The following SH3GL2 variants were observed in gnomAD, a reference collection of about 807,000 sequenced individuals.
The protein encoded by SH3GL2 is SH3 domain containing GRB2 like 2, endophilin A1, also known as endophilin-A1.
A neutral mutation model predicts 46.0 loss-of-function variants in SH3GL2; 24 were observed. The observed-to-expected ratio is 0.52, with a 90% CI of 0.38 to 0.73. The LOEUF (loss-of-function observed/expected upper bound fraction) is 0.73, where lower values mean the gene tolerates loss of function less well. Among genes scored for constraint, SH3GL2 ranks in the 30% least tolerant of loss-of-function variants. The pLI is 0.00. For missense variants in SH3GL2, 413 were observed against 424.2 expected (o/e 0.97, Z 0.23); for synonymous variants, 196 against 147.1 (o/e 1.33, Z -2.40).
At chr9:17,607,028 G>C (rs1294394207) in intron 1 of SH3GL2, among the ~76,000 whole-genome samples, 1 of 152,168 alleles carries the variant, frequency 6.6e-6, no homozygotes, top group Admixed American at 6.5e-5. Context: ...CTTCTCATAA[G>C]GCCGGTTATC....
intron 1 of SH3GL2, among the ~76,000 whole-genome samples, chr9:17,679,148 G>GT (rs1051344722): frequency 9.3e-4 from 141 of 152,224 alleles, no homozygotes; most frequent in Admixed American, 2.4e-3. Flanking sequence ...CTTTAAAGTA[G>GT]TTTTTTCCAA....
At chr9:17,628,730 A>T (rs545950349) in intron 1 of SH3GL2, among the ~76,000 whole-genome samples, 2 of 152,118 alleles carry the variant, frequency 1.3e-5, no homozygotes, top group Non-Finnish European at 2.9e-5. Context: ...TTCTAGCTCA[A>T]GGGAGAATTG....
chr9:17,663,399 T>C (rs1449145058), intron 1 of SH3GL2, among the ~76,000 whole-genome samples: 2 of 152,242 alleles, frequency 1.3e-5, no homozygotes, highest in Non-Finnish European at 2.9e-5. Flanking sequence ...TTTTTAAAAT[T>C]ATTTTCCCTC....
chr9:17,768,723 C>T (rs544046708), intron 3 of SH3GL2, among the ~76,000 whole-genome samples: 1 of 152,306 alleles, frequency 6.6e-6, no homozygotes, highest in Non-Finnish European at 1.5e-5. Context: ...CGACAACTGT[C>T]TTCTCACCAT....
intron 3 of SH3GL2, among the ~76,000 whole-genome samples, chr9:17,770,994 C>T (rs976349194): frequency 2.6e-5 from 4 of 152,178 alleles, no homozygotes; most frequent in African/African-American, 9.6e-5. Context: ...TAGGCATGCC[C>T]AGACTTACTT....
chr9:17,677,403 A>C (rs1820639123), intron 1 of SH3GL2, among the ~76,000 whole-genome samples: 1 of 152,100 alleles, frequency 6.6e-6, no homozygotes, highest in Non-Finnish European at 1.5e-5. Context: ...GGATGCTTTG[A>C]AATATTATCA....
At chr9:17,671,334 C>T (rs1233589339) in intron 1 of SH3GL2, among the ~76,000 whole-genome samples, 1 of 151,570 alleles carries the variant, frequency 6.6e-6, no homozygotes, top group Non-Finnish European at 1.5e-5. Context: ...AATATATTTT[C>T]TAAAATTCTA....
intron 1 of SH3GL2, among the ~76,000 whole-genome samples, chr9:17,741,449 G>C (rs1484824957): frequency 1.3e-5 from 2 of 152,276 alleles, no homozygotes; most frequent in East Asian, 3.9e-4. Flanking sequence ...TAGTTAAAAT[G>C]AAGATAGAAT....
chr9:17,656,767 T>G (rs1820087007), intron 1 of SH3GL2, among the ~76,000 whole-genome samples: 1 of 73,040 alleles, frequency 1.4e-5, no homozygotes, highest in South Asian at 5.9e-4. Flanking sequence ...TGAGACTACA[T>G]CTCAAAAAAA....
intron 1 of SH3GL2, among the ~76,000 whole-genome samples, chr9:17,598,191 C>T (rs1347720281): frequency 2.0e-5 from 3 of 151,934 alleles, no homozygotes; most frequent in Non-Finnish European, 2.9e-5. Flanking sequence ...CACCAGCTGA[C>T]GTCATTCAAA....
chr9:17,759,594 A>G (rs1016459704), intron 2 of SH3GL2, among the ~76,000 whole-genome samples: 1 of 152,144 alleles, frequency 6.6e-6, no homozygotes, highest in South Asian at 2.1e-4. Context: ...GTTTGTGAGC[A>G]TTGAGTGTGT....
At chr9:17,594,073 A>C (rs1818529864) in intron 1 of SH3GL2, among the ~76,000 whole-genome samples, 1 of 152,148 alleles carries the variant, frequency 6.6e-6, no homozygotes, top group Non-Finnish European at 1.5e-5. Context: ...TGACTTTTCT[A>C]AAGAGCAAAT....
Position 17,754,585 on chromosome 9 carries a change from A to G in SH3GL2, c.115-6852A>G, listed in dbSNP as rs61477312. ...CTACTCGGGAGGCTGAGGCAGGAGAATGGCTTGAACCCAGGAGGTGGAGCT... is the reference window on the plus strand; with the variant it reads ...CTACTCGGGAGGCTGAGGCAGGAGAGTGGCTTGAACCCAGGAGGTGGAGCT... On this transcript the variant is annotated intron_variant, in intron 2 of 8. Coordinates refer to ENST00000380607, the MANE Select transcript of SH3GL2 (RefSeq NM_003026.5). Among the ~76,000 whole-genome samples the G allele has an allele frequency of 6.6e-3, 1,001 of 152,242 alleles. 11 individuals carry two copies. The highest frequency in any genetic ancestry group is 0.023 in the African/African-American group (952 of 41,536).
chr9:17,697,116 C>T (rs1005563893), intron 1 of SH3GL2, among the ~76,000 whole-genome samples: 2 of 152,156 alleles, frequency 1.3e-5, no homozygotes, highest in African/African-American at 4.8e-5. Flanking sequence ...GCTGTGAAAA[C>T]CGGGCACTCA....
chr9:17,763,796 G>A (rs374079714), intron 3 of SH3GL2, among the ~76,000 whole-genome samples: 4 of 152,116 alleles, frequency 2.6e-5, no homozygotes, highest in African/African-American at 9.7e-5. Flanking sequence ...CCTAGGAAGG[G>A]ATGAAGACAA....
At chr9:17,605,058 A>G (rs969619664) in intron 1 of SH3GL2, among the ~76,000 whole-genome samples, 1 of 150,168 alleles carries the variant, frequency 6.7e-6, no homozygotes, top group South Asian at 2.1e-4. Flanking sequence ...CTGCAACCTC[A>G]ACTTCCTGGG....
chr9:17,628,874 A>G (rs1207981165), intron 1 of SH3GL2, among the ~76,000 whole-genome samples: 1 of 152,156 alleles, frequency 6.6e-6, no homozygotes, highest in Non-Finnish European at 1.5e-5. Context: ...GAGAAGCTTT[A>G]GTATTTTTAG....
chr9:17,733,639 T>A (rs1307658306), intron 1 of SH3GL2, among the ~76,000 whole-genome samples: 1 of 151,430 alleles, frequency 6.6e-6, no homozygotes, highest in Non-Finnish European at 1.5e-5. Flanking sequence ...CAAAGGACTA[T>A]AAATCATGCT....
At chr9:17,635,116 T>C (rs1274974628) in intron 1 of SH3GL2, among the ~76,000 whole-genome samples, 1 of 152,178 alleles carries the variant, frequency 6.6e-6, no homozygotes, top group Non-Finnish European at 1.5e-5. Context: ...TAGTTATTTT[T>C]CCTGGATCTT....
Sources: allele counts gnomAD v4.1 joint callset (sites outside exome capture counted in the v4.1 genomes callset), GRCh38; gene constraint gnomAD v4.1.1; transcripts MANE v1.5; gene names NCBI Gene and HGNC (gene_info 2026-07-23, HGNC 2026-07-21).